The following ADGRL3 variants were observed in gnomAD, a reference collection of about 807,000 sequenced individuals.
ADGRL3 encodes calcium-independent alpha-latrotoxin receptor 3.
Under a neutral mutation model 153.5 loss-of-function variants are expected in ADGRL3, and 62 were observed. That is an observed-to-expected ratio of 0.40 (90% CI 0.33 to 0.50). ADGRL3 has a LOEUF of 0.50. ADGRL3 is among the 20% of genes least tolerant of loss of function. The pLI is 0.47. For missense variants in ADGRL3, 1,641 were observed against 1,859.4 expected (o/e 0.88, Z 2.16); for synonymous variants, 710 against 672.5 (o/e 1.06, Z -0.86).
At chr4:61,473,184 G>GA (rs940393230) in intron 2 of ADGRL3, among the ~76,000 whole-genome samples, 13 of 144,766 alleles carry the variant, frequency 9.0e-5, no homozygotes, top group South Asian at 4.6e-4. Context: ...GCAGTGAAAG[G>GA]AAAAAAACAC....
At chr4:61,204,364 G>A (rs1301533760) in intron 1 of ADGRL3, among the ~76,000 whole-genome samples, 2 of 152,148 alleles carry the variant, frequency 1.3e-5, no homozygotes, top group Non-Finnish European at 2.9e-5. Context: ...TAGATGATAC[G>A]TATTAAAGTC....
chr4:61,760,121 A>T (rs1394512569), intron 8 of ADGRL3, among the ~76,000 whole-genome samples: 1 of 152,154 alleles, frequency 6.6e-6, no homozygotes, highest in African/African-American at 2.4e-5. Flanking sequence ...GACCCACTTG[A>T]GGCAGTCTGT....
intron 25 of ADGRL3, among the ~76,000 whole-genome samples, chr4:62,056,764 G>A (rs1737242953): frequency 1.3e-5 from 2 of 152,060 alleles, no homozygotes. Flanking sequence ...CATAAGAAAT[G>A]TATGTCAAGA....
intron 5 of ADGRL3, among the ~76,000 whole-genome samples, chr4:61,630,213 T>C (rs1385504440): frequency 6.6e-6 from 1 of 152,212 alleles, no homozygotes; most frequent in East Asian, 1.9e-4. Flanking sequence ...TATACACATG[T>C]AATATTTCAG....
At chr4:62,062,366 T>C (rs1030774430) in intron 25 of ADGRL3, among the ~76,000 whole-genome samples, 4 of 151,996 alleles carry the variant, frequency 2.6e-5, no homozygotes, top group African/African-American at 9.7e-5. Flanking sequence ...AGTTCTTTTT[T>C]GGATTACAAA....
intron 5 of ADGRL3, among the ~76,000 whole-genome samples, chr4:61,590,016 C>T (rs778051991): frequency 2.0e-5 from 3 of 152,030 alleles, no homozygotes; most frequent in Non-Finnish European, 2.9e-5. Flanking sequence ...TGTCCACCAC[C>T]CACCAATCGT....
At chr4:61,820,549 A>T (rs1181464586) in intron 9 of ADGRL3, among the ~76,000 whole-genome samples, 1 of 152,170 alleles carries the variant, frequency 6.6e-6, no homozygotes, top group Admixed American at 6.5e-5. Context: ...ATTAATCAGG[A>T]CTTTTTTAAA....
chr4:61,847,611 T>TTATATATATAATATAAAA (rs2098133393), intron 9 of ADGRL3, among the ~76,000 whole-genome samples: 1 of 55,138 alleles, frequency 1.8e-5, no homozygotes, highest in Admixed American at 2.9e-4. Context: ...ATATAATATA[T>TTATATATATAATATAAAA]TATATATATA....
intron 17 of ADGRL3, among the ~76,000 whole-genome samples, chr4:61,967,791 T>C (rs2099012377): frequency 1.3e-5 from 2 of 152,178 alleles, no homozygotes; most frequent in Admixed American, 1.3e-4. Context: ...AGCACATAGT[T>C]TTACCTTCTG....
intron 3 of ADGRL3, among the ~76,000 whole-genome samples, chr4:61,499,987 G>C (rs199770556): frequency 5.8e-4 from 81 of 138,828 alleles, no homozygotes; most frequent in South Asian, 1.4e-3. Context: ...CACACACACA[G>C]ACACACACAC....
chr4:61,573,483 T>C (rs2098847372), intron 4 of ADGRL3, among the ~76,000 whole-genome samples: 1 of 151,970 alleles, frequency 6.6e-6, no homozygotes, highest in Non-Finnish European at 1.5e-5. Flanking sequence ...TGAGAACATA[T>C]ATCTAATTTC....
intron 6 of ADGRL3, among the ~76,000 whole-genome samples, chr4:61,715,897 T>G (rs952320302): frequency 2.0e-5 from 3 of 150,564 alleles, no homozygotes; most frequent in Admixed American, 2.0e-4. Context: ...ACCATCTCCT[T>G]TCATAACAGG....
intron 17 of ADGRL3, among the ~76,000 whole-genome samples, chr4:61,978,237 AT>A (rs576657663): frequency 2.8e-4 from 43 of 152,182 alleles, no homozygotes; most frequent in African/African-American, 1.0e-3. Context: ...ACTTTTACCA[AT>A]TTTGCATACA....
Position 61,892,776 on chromosome 4 carries a change from G to T in ADGRL3, c.1601G>T (p.Ser534Ile). ...TPSVSGRRNR[S>I]TSTPSPAVEV... ...TCAGTGTCAGGAAGAAGAAACCGGA[G>T]TACTAGTACCCCATCTCCAGCTGTC... The change falls in exon 10 of 27, where the codon AGT (serine) becomes ATT (isoleucine). Residue 534 changes from serine to isoleucine, a missense_variant. Physicochemically the swap from Ser to Ile is moderately radical, Grantham distance 142 (BLOSUM62 -2). Transcript: ENST00000683033. 2 of 1,613,894 alleles carry T rather than the reference G, an allele frequency of 1.2e-6. No individual in the cohort carries two copies. The highest frequency in any genetic ancestry group is 1.7e-6 in the Non-Finnish European group (2 of 1,179,850).
intron 4 of ADGRL3, among the ~76,000 whole-genome samples, chr4:61,573,899 G>T (rs867900213): frequency 4.0e-5 from 6 of 151,882 alleles, no homozygotes; most frequent in African/African-American, 1.2e-4. Context: ...TTTAACAACC[G>T]CTAACCTTTC....
intron 8 of ADGRL3, among the ~76,000 whole-genome samples, chr4:61,777,374 A>G (rs987603583): frequency 2.6e-5 from 4 of 152,136 alleles, no homozygotes; most frequent in Admixed American, 2.6e-4. Flanking sequence ...AGGTTTTTTA[A>G]TTACTCACTA....
chr4:62,015,177 A>G (rs966057633), intron 21 of ADGRL3, among the ~76,000 whole-genome samples: 39 of 152,150 alleles, frequency 2.6e-4, no homozygotes, highest in Admixed American at 1.7e-3. Context: ...TTGGCTGAGA[A>G]CCAATTGTTG....
At chr4:61,754,285 A>G (rs1014386800) in intron 8 of ADGRL3, among the ~76,000 whole-genome samples, 3 of 152,204 alleles carry the variant, frequency 2.0e-5, no homozygotes, top group African/African-American at 7.2e-5. Flanking sequence ...ATATATTTAT[A>G]TTGCCTTGAA....
At chr4:61,479,210 T>C (rs1037669) in intron 2 of ADGRL3, among the ~76,000 whole-genome samples, 152,181 of 152,188 alleles carry the variant, frequency 1, 76,087 homozygotes, top group Middle Eastern at 1. Flanking sequence ...CCAACCAGAA[T>C]CTAAGTTTTC....
Sources: allele counts gnomAD v4.1 joint callset (sites outside exome capture counted in the v4.1 genomes callset), GRCh38; gene constraint gnomAD v4.1.1; transcripts MANE v1.5; gene names NCBI Gene and HGNC (gene_info 2026-07-23, HGNC 2026-07-21).